The following NCAM2 variants were observed in gnomAD, a reference collection of about 807,000 sequenced individuals.
NCAM2 encodes neural cell adhesion molecule 2.
Under a neutral mutation model 98.1 loss-of-function variants are expected in NCAM2, and 30 were observed. The ratio of observed to expected loss-of-function variants is 0.31; its 90% CI spans 0.23 to 0.41. The LOEUF (loss-of-function observed/expected upper bound fraction) is 0.41, where lower values mean the gene tolerates loss of function less well. Among genes scored for constraint, NCAM2 ranks in the 10% least tolerant of loss-of-function variants. NCAM2 has a pLI of 1.00. For missense variants in NCAM2, 867 were observed against 1,005.8 expected (o/e 0.86, Z 1.87); for synonymous variants, 368 against 342.4 (o/e 1.07, Z -0.83).
At chr21:21,455,210 CAAA>C (rs5842926) in intron 12 of NCAM2, among the ~76,000 whole-genome samples, 8 of 95,442 alleles carry the variant, frequency 8.4e-5, no homozygotes, top group Admixed American at 3.7e-4. Flanking sequence ...AACCTATTGG[CAAA>C]AAAAAAAAAA....
chr21:21,305,596 T>C (rs1357583502), intron 5 of NCAM2, among the ~76,000 whole-genome samples: 1 of 3,590 alleles, frequency 2.8e-4, no homozygotes, highest in Admixed American at 6.0e-3. Flanking sequence ...CCTAAATTAC[T>C]GAGTTTTTTT....
intron 8 of NCAM2, among the ~76,000 whole-genome samples, chr21:21,355,360 G>T (rs999347174): frequency 6.6e-6 from 1 of 150,756 alleles, no homozygotes; most frequent in South Asian, 2.1e-4. Flanking sequence ...GTTGCAGGGG[G>T]CTGAGGCAGG....
At chr21:21,513,274 G>A (rs1359894651) in intron 16 of NCAM2, among the ~76,000 whole-genome samples, 1 of 151,950 alleles carries the variant, frequency 6.6e-6, no homozygotes, top group Non-Finnish European at 1.5e-5. Flanking sequence ...AGTTCTTTAA[G>A]ATGCATTGTA....
At chr21:21,022,559 G>A (rs1039624808) in intron 1 of NCAM2, among the ~76,000 whole-genome samples, 1 of 152,024 alleles carries the variant, frequency 6.6e-6, no homozygotes, top group Non-Finnish European at 1.5e-5. Context: ...TGCTAAAACT[G>A]TTATACTAGT....
intron 1 of NCAM2, among the ~76,000 whole-genome samples, chr21:21,177,871 CTTG>C (rs1415299176): frequency 6.6e-6 from 1 of 151,762 alleles, no homozygotes; most frequent in Non-Finnish European, 1.5e-5. Flanking sequence ...CTTTATCTTC[CTTG>C]TTGTATTGAC....
chr21:21,305,874 T>C (rs1209759627), intron 5 of NCAM2, among the ~76,000 whole-genome samples: 2 of 152,178 alleles, frequency 1.3e-5, no homozygotes, highest in East Asian at 3.8e-4. Context: ...CTAATGCATG[T>C]ATTTAGTGCT....
intron 15 of NCAM2, among the ~76,000 whole-genome samples, chr21:21,495,673 C>T (rs1232419644): frequency 6.6e-6 from 1 of 151,978 alleles, no homozygotes; most frequent in Non-Finnish European, 1.5e-5. Flanking sequence ...CCAATCACCT[C>T]TAATATCCAT....
chr21:21,046,982 C>G (rs116307252), intron 1 of NCAM2, among the ~76,000 whole-genome samples: 1,645 of 152,216 alleles, frequency 0.011, 36 homozygotes, highest in African/African-American at 0.037. Context: ...TGGTACATCT[C>G]CTTTATTGTA....
intron 1 of NCAM2, among the ~76,000 whole-genome samples, chr21:21,109,829 T>A (rs1202909361): frequency 6.6e-6 from 1 of 152,210 alleles, no homozygotes; most frequent in Non-Finnish European, 1.5e-5. Flanking sequence ...GGTTAACAAC[T>A]CATTTACTAT....
intron 1 of NCAM2, among the ~76,000 whole-genome samples, chr21:20,999,644 G>C (rs929208289): frequency 6.6e-6 from 1 of 152,200 alleles, no homozygotes; most frequent in Non-Finnish European, 1.5e-5. Flanking sequence ...TATGTTGTTA[G>C]TGTAGTGTGA....
At chr21:21,424,846 A>C (rs1186529647) in intron 11 of NCAM2, among the ~76,000 whole-genome samples, 1 of 151,926 alleles carries the variant, frequency 6.6e-6, no homozygotes, top group Admixed American at 6.6e-5. Context: ...AGCCTGGCCA[A>C]CATGGTGAAA....
intron 1 of NCAM2, among the ~76,000 whole-genome samples, chr21:21,170,782 G>A (rs1439284481): frequency 3.9e-5 from 6 of 152,168 alleles, no homozygotes; most frequent in Non-Finnish European, 7.3e-5. Flanking sequence ...ATGTATCAAT[G>A]TAGGTTCATC....
At chr21:21,473,596 T>G (rs1984763372) in intron 14 of NCAM2, among the ~76,000 whole-genome samples, 1 of 151,588 alleles carries the variant, frequency 6.6e-6, no homozygotes, top group South Asian at 2.1e-4. Flanking sequence ...GAATCAAAAC[T>G]TCATCTTGCT....
At chr21:21,440,846 C>T (rs1325374574) in intron 12 of NCAM2, among the ~76,000 whole-genome samples, 7 of 152,146 alleles carry the variant, frequency 4.6e-5, no homozygotes, top group South Asian at 2.1e-4. Context: ...GTAAAAGCTA[C>T]ATGTACTTAC....
At chr21:21,247,662 A>G (rs1235095867) in intron 1 of NCAM2, among the ~76,000 whole-genome samples, 1 of 152,174 alleles carries the variant, frequency 6.6e-6, no homozygotes, top group Non-Finnish European at 1.5e-5. Context: ...AGATAGAGTC[A>G]TATTTCTATG....
intron 1 of NCAM2, among the ~76,000 whole-genome samples, chr21:21,150,255 TA>T (rs1243687284): frequency 1.3e-5 from 2 of 152,180 alleles, no homozygotes; most frequent in Non-Finnish European, 2.9e-5. Flanking sequence ...TATAGTTTTT[TA>T]AAATGTAATT....
At chr21:21,248,517 C>T (rs1601759428) in intron 1 of NCAM2, among the ~76,000 whole-genome samples, 1 of 151,962 alleles carries the variant, frequency 6.6e-6, no homozygotes, top group African/African-American at 2.4e-5. Flanking sequence ...GAATTTCTGC[C>T]TGTAATCCCA....
rs536555019 is a variant in NCAM2, at chr21:21,422,168, C to G, written c.1480+3599C>G. ...GCCAAGACAGAAACAGCAACCCAAACAGGCTTGTTGGAGGCCATTCACCTA... is the reference window on the plus strand; with the variant it reads ...GCCAAGACAGAAACAGCAACCCAAAGAGGCTTGTTGGAGGCCATTCACCTA... On this transcript the variant is annotated intron_variant, in intron 11 of 17. Transcript: ENST00000400546. Among the ~76,000 whole-genome samples, 5 of 152,286 alleles carry G rather than the reference C, an allele frequency of 3.3e-5. No homozygotes were observed. The South Asian group carries it at 1.0e-3, about 32-fold the overall frequency.
intron 1 of NCAM2, among the ~76,000 whole-genome samples, chr21:21,071,786 C>T (rs369398265): frequency 3.6e-4 from 55 of 151,774 alleles, no homozygotes; most frequent in South Asian, 2.5e-3. Flanking sequence ...TAAATATCTG[C>T]GGAAAAAAGG....
Sources: gnomAD v4.1 joint callset for allele counts (sites outside exome capture counted in the v4.1 genomes callset) on GRCh38, gnomAD v4.1.1 for gene constraint, MANE v1.5 for transcripts, NCBI Gene and HGNC (gene_info 2026-07-23, HGNC 2026-07-21) for gene names.